Variants in SEPTIN3 observed in about 807,000 individuals in gnomAD.
SEPTIN3 encodes the protein neuronal-specific septin-3.
SEPTIN3 carries 15 observed loss-of-function variants against 45.1 expected under a neutral mutation model. The observed-to-expected ratio is 0.33, with a 90% CI of 0.22 to 0.51. The LOEUF is 0.51. SEPTIN3 is among the 20% of genes least tolerant of loss of function. The pLI is 0.97. For synonymous variants in SEPTIN3, 148 were observed against 164.8 expected (o/e 0.90, Z 0.78); for missense variants, 289 against 457.2 (o/e 0.63, Z 3.35).
At chr22:41,991,173 G>T (rs2078309184) in intron 7 of SEPTIN3, among the ~76,000 whole-genome samples, 1 of 152,180 alleles carries the variant, frequency 6.6e-6, no homozygotes. Context: ...TTGAAAGAGG[G>T]CAAACAGTCT....
At position 41,994,512 on chromosome 22, in the gene SEPTIN3, T is replaced by C; in HGVS notation, c.2412-109T>C. ...GTGCTGTAGAAGAATCCTTAGCTCC[T>C]GGGAGTGGTTCCCATTCACTGGGTC... is the stretch of plus-strand genomic sequence containing the variant. On this transcript the variant is annotated intron_variant, in intron 10 of 11. Transcript: ENST00000644076. This position sits in a 1 kb window ranked among gnomAD's most constrained non-coding sequence, Gnocchi z 4.2. 6.4e-7 allele frequency: 1 copy of C among 1,560,492 alleles called. No individual in the cohort carries two copies. Among genetic ancestry groups the C allele is most frequent in the South Asian group, 1.2e-5 (1 of 85,656 alleles).
At chr22:41,984,466 G>A (rs965924326) in intron 3 of SEPTIN3, among the ~76,000 whole-genome samples, 4 of 152,208 alleles carry the variant, frequency 2.6e-5, no homozygotes, top group Admixed American at 2.0e-4. Context: ...TGCCGAGGCT[G>A]CTTGTCAATT....
chr22:41,987,549 T>C, intron 5 of SEPTIN3, 73 bp from the exon 6 acceptor site: 1 of 1,520,276 alleles, frequency 6.6e-7, no homozygotes, highest in Non-Finnish European at 9.0e-7. Flanking sequence ...AGGAGATTGC[T>C]ACCAGATCAT....
chr22:41,980,522 G>A (rs1189672030), intron 2 of SEPTIN3, among the ~76,000 whole-genome samples: 2 of 152,176 alleles, frequency 1.3e-5, no homozygotes, highest in Admixed American at 6.5e-5. Context: ...GAGGGATGCA[G>A]GCTCATAGTG....
chr22:41,992,623 A>G (rs933435829), intron 8 of SEPTIN3, 41 bp from the exon 9 acceptor site: 3 of 1,354,948 alleles, frequency 2.2e-6, no homozygotes, highest in Non-Finnish European at 2.0e-6. Context: ...TTGGAGGATG[A>G]CGGTGCACAT....
Position 41,989,519 on chromosome 22 carries a change from T to A in SEPTIN3, c.2046-48T>A, listed in dbSNP as rs1323567205. ...CCTGGAGTGGTGGTGGTGGCTGAGT[T>A]GGGGAGGGCAAGGTGGCTCTGATGA... On this transcript the variant is annotated intron_variant, in intron 6 of 11. Coordinates refer to ENST00000644076, the MANE Select transcript of SEPTIN3 (RefSeq NM_001363845.2). 3 of 1,265,338 alleles carry A rather than the reference T, an allele frequency of 2.4e-6. No individual in the cohort carries two copies. The African/African-American group carries it at 4.4e-5, about 19-fold the overall frequency. 78.4% of individuals were successfully genotyped at this position (1,265,338 alleles called of 1,614,324 possible).
intron 2 of SEPTIN3, among the ~76,000 whole-genome samples, chr22:41,979,108 G>C (rs73885879): frequency 0.018 from 2,729 of 152,242 alleles, 94 homozygotes; most frequent in African/African-American, 0.063. Flanking sequence ...GCACACAGTG[G>C]GTGCTCATAT....
chr22:41,974,860 GAAAAAAAAAAAAAAAA>G (rs55642127), intron 2 of SEPTIN3, among the ~76,000 whole-genome samples: 6 of 74,300 alleles, frequency 8.1e-5, no homozygotes, highest in African/African-American at 3.1e-4. Flanking sequence ...GTCTCAAAAA[GAAAAAAAAAAAAAAAA>G]AAAAAAAAAA....
Position 41,991,623 on chromosome 22 carries a change from A to C in SEPTIN3, c.2214A>C (p.Glu738Asp). 5 of 1,614,056 alleles carry C rather than the reference A, an allele frequency of 3.1e-6. No individual in the cohort carries two copies. The highest frequency in any genetic ancestry group is 4.2e-6 in the Non-Finnish European group (5 of 1,179,928). The change falls in exon 8 of 12, where the codon GAA becomes GAC. Residue 738 changes from glutamate (E) to aspartate (D), a missense_variant. Around this residue, in one of 3 missense-constraint regions of SEPTIN3, gnomAD observed 200 missense variants for 315.1 expected, o/e 0.63. Coordinates refer to ENST00000644076, the MANE Select transcript of SEPTIN3 (RefSeq NM_001363845.2). ...GCATTGAATTCTACCCCCAGAAGGAATTTGATGAGGATTTGGAGGATAAGA... is the reference window on the plus strand; with the variant it reads ...GCATTGAATTCTACCCCCAGAAGGACTTTGATGAGGATTTGGAGGATAAGA... The part of the protein sequence containing the change: ...VNGIEFYPQK[E>D]FDEDLEDKTE...
Position 41,992,732 on chromosome 22 carries a change from C to T in SEPTIN3, c.2328C>T (p.Leu776=), listed in dbSNP as rs766064789. 1.3e-5 allele frequency: 21 copies of T among 1,611,776 alleles called. No individual in the cohort carries two copies. The highest frequency in any genetic ancestry group is 5.3e-5 in the African/African-American group (4 of 74,856). Residue 776 remains leucine (L), a synonymous_variant, in exon 9 of 12, where the codon CTC becomes CTT. Transcript: ENST00000644076. ...ACCAAGTGAATGGCAAGAGGGTCCT[C>T]GGCCGAAAAACTCCATGGGGGATCA... is the stretch of plus-strand genomic sequence containing the variant. ...KEYQVNGKRV[L]GRKTPWGIIE... is the part of the protein sequence containing the mutation.
chr22:41,973,830 A>C (rs1206957011), intron 2 of SEPTIN3, among the ~76,000 whole-genome samples: 63 of 151,536 alleles, frequency 4.2e-4, no homozygotes, highest in African/African-American at 1.5e-3. Context: ...AAAATACAAA[A>C]GTTAGCCAGG....
At chr22:41,996,713 T>C (rs1007203169) in intron 11 of SEPTIN3, 189 bp from the exon 12 acceptor site, 1 of 1,477,008 alleles carries the variant, frequency 6.8e-7, no homozygotes, top group East Asian at 2.4e-5. Flanking sequence ...GTAGAAGCAG[T>C]CCTGTATGGA....
At position 41,981,751 on chromosome 22, in the gene SEPTIN3, G is replaced by A; in HGVS notation, c.1611G>A (p.Leu537=). ...MKPMSINSNL[L]GYIGIDTIIE... is the part of the protein sequence containing the mutation. ...CCATGAGCATCAACTCCAACCTGCT[G>A]GGCTACATCGGCATCGACACCATCA... is the stretch of plus-strand genomic sequence containing the variant. The change falls in exon 3 of 12, where the codon CTG becomes CTA. Residue 537 remains leucine (L), a synonymous_variant. Transcript: ENST00000644076. The A allele has an allele frequency of 6.2e-7, 1 of 1,614,022 alleles. No homozygotes were observed. Among genetic ancestry groups the A allele is most frequent in the Non-Finnish European group, 8.5e-7 (1 of 1,179,998 alleles).
Position 41,986,020 on chromosome 22 carries a change from C to A in SEPTIN3, c.1733C>A (p.Thr578Lys). The A allele has an allele frequency of 6.2e-7, 1 of 1,613,196 alleles. No homozygotes were observed. The highest frequency in any genetic ancestry group is 8.5e-7 in the Non-Finnish European group (1 of 1,179,540). The change falls in exon 4 of 12, where the codon ACG (threonine) becomes AAG (lysine). Residue 578 changes from threonine (T) to lysine (K), a missense_variant. By Grantham distance (78) the Thr-to-Lys change is moderately conservative. This residue lies in a region of SEPTIN3 where 200 missense variants were observed against 315.1 expected (regional missense o/e 0.63). Coordinates refer to ENST00000644076, the MANE Select transcript of SEPTIN3 (RefSeq NM_001363845.2). ...SGLGKSTLVN[T>K]LFKSQVSRKA... Reference sequence around the variant, plus strand: ...CTGGGCAAATCAACGCTGGTCAACACGCTCTTCAAATCCCAAGTGAGCCGC... The same window carrying A: ...CTGGGCAAATCAACGCTGGTCAACAAGCTCTTCAAATCCCAAGTGAGCCGC...
At chr22:41,974,141 C>CAA (rs35615355) in intron 2 of SEPTIN3, among the ~76,000 whole-genome samples, 10,051 of 125,950 alleles carry the variant, frequency 0.08, 893 homozygotes, top group East Asian at 0.49. Flanking sequence ...GACCCTGTCT[C>CAA]AAAAAAAAAA....
Position 41,997,574 on chromosome 22 carries a change from C to G in SEPTIN3, c.*607C>G, listed in dbSNP as rs1370324433. 2.0e-5 allele frequency: 3 copies of G among 152,306 alleles called. No homozygotes were observed. The highest frequency in any genetic ancestry group is 7.2e-5 in the African/African-American group (3 of 41,424). The allele number at this position is 152,306 out of a possible 1,614,324, so 9.4% of individuals were successfully genotyped here. ...ACATCCTCCCCACCTCATAACGCAG[C>G]CACTGAGGAAGAGTGGTTTTCCTAA... On this transcript the variant is annotated 3_prime_UTR_variant, in exon 12 of 12. Coordinates refer to ENST00000644076, the MANE Select transcript of SEPTIN3 (RefSeq NM_001363845.2).
chr22:41,996,855 C>T, intron 11 of SEPTIN3, 47 bp from the exon 12 acceptor site: 1 of 1,610,334 alleles, frequency 6.2e-7, no homozygotes. Context: ...ATGTCTGCTG[C>T]CAGCTGCTGG....
In SEPTIN3 at chr22:41,996,951, G is replaced by GC; in HGVS notation, c.2559dup (p.Thr854HisfsTer3). On this transcript the variant is annotated frameshift_variant, in exon 12 of 12. Transcript: ENST00000644076. LOFTEE classifies it high-confidence loss of function. ...CTTCCACCTGTGCCAGCCACCCCCT[G>GC]CCCCACTGCTGAATGAAGGCCATTT... 6.2e-7 allele frequency: 1 copy of GC among 1,613,974 alleles called. No homozygotes were observed. Among genetic ancestry groups the GC allele is most frequent in the Non-Finnish European group, 8.5e-7 (1 of 1,179,910 alleles).
At chr22:41,982,074 C>T in intron 3 of SEPTIN3, 1 of 542,916 alleles carries the variant, frequency 1.8e-6, no homozygotes, top group Non-Finnish European at 3.3e-6. Context: ...TCGGTGTACA[C>T]AGGCAGCCCC....
Sources: gnomAD v4.1 joint callset for allele counts (sites outside exome capture counted in the v4.1 genomes callset) on GRCh38, gnomAD v4.1.1 for gene constraint, gnomAD v4.1.1 regional missense constraint, Gnocchi (gnomAD v3.1) non-coding constraint, MANE v1.5 for transcripts, NCBI Gene and HGNC (gene_info 2026-07-23, HGNC 2026-07-21) for gene names.